The following MAB21L2 variants were observed in gnomAD, a reference collection of about 807,000 sequenced individuals.
MAB21L2 encodes the protein protein mab-21-like 2.
A neutral mutation model predicts 29.8 loss-of-function variants in MAB21L2; 15 were observed. The ratio of observed to expected loss-of-function variants is 0.50; its 90% CI spans 0.34 to 0.78. The LOEUF (loss-of-function observed/expected upper bound fraction) is 0.78. Among genes scored for constraint, MAB21L2 ranks in the 30% least tolerant of loss-of-function variants. The pLI is 0.01. For missense variants in MAB21L2, 321 were observed against 480.1 expected, an observed-to-expected ratio of 0.67 and a Z score of 3.10; for synonymous variants, 218 against 210.4, an observed-to-expected ratio of 1.04 and a Z score of -0.31.
In MAB21L2 at chr4:150,584,122, TG is replaced by T; in HGVS notation, c.*14del. On this transcript the variant is annotated 3_prime_UTR_variant, in exon 1 of 1. Coordinates refer to ENST00000317605, the MANE Select transcript of MAB21L2 (RefSeq NM_006439.5). ...GGACAAACTATAGGGTGCTGGGGAC[TG>T]CTTGAAAAGCGACACAAACGGGCGT... 1.3e-6 allele frequency: 2 copies of T among 1,508,244 alleles called. No individual in the cohort carries two copies. The highest frequency in any genetic ancestry group is 1.8e-6 in the Non-Finnish European group (2 of 1,128,730). 93.4% of individuals were successfully genotyped at this position (1,508,244 alleles called of 1,614,324 possible). A position where few individuals can be genotyped will look rare whatever the true frequency, so the allele number is the denominator to read the frequency against.
chr4:150,583,317 C>G lies in MAB21L2; in HGVS notation c.288C>G (p.Gly96=). 1 of 1,614,216 alleles carries G rather than the reference C, an allele frequency of 6.2e-7. No homozygotes were observed. The change falls in exon 1 of 1, where the codon GGC becomes GGG. Residue 96 remains glycine (G), a synonymous_variant. Coordinates refer to ENST00000317605, the MANE Select transcript of MAB21L2 (RefSeq NM_006439.5). This position sits in a 1 kb window ranked among gnomAD's most constrained non-coding sequence, Gnocchi z 9.8. The part of the protein sequence containing the change: ...FNFVDDGSLP[G]CAVLKLSDGR... ...TCGTGGACGACGGCTCGCTGCCCGG[C>G]TGCGCAGTGCTCAAACTGAGCGATG...
chr4:150,582,975 G>C lies in MAB21L2; in HGVS notation c.-55G>C. The stretch of plus-strand genomic sequence containing the variant: ...GGGCCACCACCAGTGCGTGAGCCTT[G>C]GATCCCTCAACGTATTGCGAGACGC... On this transcript the variant is annotated 5_prime_UTR_variant, in exon 1 of 1. Transcript: ENST00000317605. The C allele has an allele frequency of 6.6e-7, 1 of 1,525,636 alleles. No individual in the cohort carries two copies. Among genetic ancestry groups the C allele is most frequent in the Admixed American group, 2.1e-5 (1 of 47,652 alleles). 94.5% of individuals were successfully genotyped at this position (1,525,636 alleles called of 1,614,324 possible).
rs1561385662 is a variant in MAB21L2, at chr4:150,582,738, CA to C, written c.-291del. The C allele has an allele frequency of 9.0e-6, 3 of 333,150 alleles. No homozygotes were observed. The East Asian group carries it at 1.5e-4, about 16-fold the overall frequency. 20.6% of individuals were successfully genotyped at this position (333,150 alleles called of 1,614,324 possible). A position where few individuals can be genotyped will look rare whatever the true frequency, so the allele number is the denominator to read the frequency against. On this transcript the variant is annotated 5_prime_UTR_variant, in exon 1 of 1. Transcript: ENST00000317605. ...CTTCTCTCGCACACGGTCATCTTTA[CA>C]TATCAAGAGAAAGCAAAAAGGTTCC...
Position 150,584,611 on chromosome 4 carries a change from T to G in MAB21L2, c.*502T>G, listed in dbSNP as rs964185689. On this transcript the variant is annotated 3_prime_UTR_variant, in exon 1 of 1. Coordinates refer to ENST00000317605, the MANE Select transcript of MAB21L2 (RefSeq NM_006439.5). ...CGTTCTCAGTGCCAATGTCAGACTG[T>G]GCTCCTCCCTCTCCTGAACCTCTAC... 5 of 167,312 alleles carry G rather than the reference T, an allele frequency of 3.0e-5. No individual in the cohort carries two copies. Among genetic ancestry groups the G allele is most frequent in the African/African-American group, 1.2e-4 (5 of 41,556 alleles). 10.4% of individuals were successfully genotyped at this position (167,312 alleles called of 1,614,324 possible). A position where few individuals can be genotyped will look rare whatever the true frequency, so the allele number is the denominator to read the frequency against.
chr4:150,583,768 C>G lies in MAB21L2; in HGVS notation c.739C>G (p.Arg247Gly), dbSNP rs1771720768. 6.2e-7 allele frequency: 1 copy of G among 1,613,994 alleles called. No homozygotes were observed. The highest frequency in any genetic ancestry group is 8.5e-7 in the Non-Finnish European group (1 of 1,179,974). ...AENRLLMGGC[R>G]NKCLSVLKTL... The stretch of plus-strand genomic sequence containing the variant: ...GAACCGCCTGCTGATGGGCGGCTGC[C>G]GAAACAAGTGCCTCTCAGTGCTGAA... Residue 247 changes from arginine to glycine, a missense_variant, in exon 1 of 1, where the codon CGA becomes GGA. Arg to Gly is a moderately radical substitution (Grantham distance 125). Transcript: ENST00000317605. This position sits in a 1 kb window ranked among gnomAD's most constrained non-coding sequence, Gnocchi z 9.8.
chr4:150,582,573 C>T lies in MAB21L2; in HGVS notation c.-457C>T, dbSNP rs1771516945. On this transcript the variant is annotated 5_prime_UTR_variant, in exon 1 of 1. Transcript: ENST00000317605. ...TAAGAATGAACCACTGAATGTTTCG[C>T]TTTTATTTTTAAATTTACTTTGGCA... 1.2e-5 allele frequency: 2 copies of T among 162,798 alleles called. No individual in the cohort carries two copies. The highest frequency in any genetic ancestry group is 4.8e-5 in the African/African-American group (2 of 41,552). 10.1% of individuals were successfully genotyped at this position (162,798 alleles called of 1,614,324 possible). A position where few individuals can be genotyped will look rare whatever the true frequency, so the allele number is the denominator to read the frequency against.
chr4:150,584,171 G>A lies in MAB21L2; in HGVS notation c.*62G>A. ...CGTGCTCTCTCAGACACACAACTCT[G>A]CTATAAACAGCAGAAACTCTGGACA... On this transcript the variant is annotated 3_prime_UTR_variant, in exon 1 of 1. Transcript: ENST00000317605. 2 of 1,445,696 alleles carry A rather than the reference G, an allele frequency of 1.4e-6. No homozygotes were observed. Among genetic ancestry groups the A allele is most frequent in the Middle Eastern group, 1.9e-4 (1 of 5,382 alleles). 89.6% of individuals were successfully genotyped at this position (1,445,696 alleles called of 1,614,324 possible).
Position 150,583,998 on chromosome 4 carries a change from C to T in MAB21L2, c.969C>T (p.Asn323=), listed in dbSNP as rs1211252352. 6 of 1,614,056 alleles carry T rather than the reference C, an allele frequency of 3.7e-6. No homozygotes were observed. Among genetic ancestry groups the T allele is most frequent in the Non-Finnish European group, 4.2e-6 (5 of 1,180,028 alleles). Residue 323 remains asparagine (N), a synonymous_variant, in exon 1 of 1, where the codon AAC becomes AAT. Transcript: ENST00000317605. The surrounding 1 kb of genome is among the most constrained non-coding windows in gnomAD (Gnocchi z 9.8). ...GCTGCCCTCACTACTTTCTGCCCAA[C>T]CTCGACCTCTTTCAGGGCAAGCCCC... The part of the protein sequence containing the change: ...CRRCPHYFLP[N]LDLFQGKPHS...
Position 150,583,344 on chromosome 4 carries a change from G to A in MAB21L2, c.315G>A (p.Gly105=), listed in dbSNP as rs748556362. 20 of 1,614,084 alleles carry A rather than the reference G, an allele frequency of 1.2e-5. No individual in the cohort carries two copies. Among genetic ancestry groups the A allele is most frequent in the Non-Finnish European group, 1.7e-5 (20 of 1,180,052 alleles). The change falls in exon 1 of 1, where the codon GGG becomes GGA. Residue 105 remains glycine, a synonymous_variant. Coordinates refer to ENST00000317605, the MANE Select transcript of MAB21L2 (RefSeq NM_006439.5). The surrounding 1 kb of genome is among the most constrained non-coding windows in gnomAD (Gnocchi z 9.8). ...PGCAVLKLSD[G]RKRSMSLWVE... ...GCGCAGTGCTCAAACTGAGCGATGG[G>A]CGGAAGCGGAGCATGTCTCTCTGGG...
In MAB21L2 at chr4:150,583,697, G is replaced by A. The variant is rs1771704412; in HGVS notation, c.668G>A (p.Ser223Asn). Residue 223 changes from serine to asparagine, a missense_variant, in exon 1 of 1, where the codon AGC becomes AAC. Physicochemically the swap from Ser to Asn is conservative, Grantham distance 46 (BLOSUM62 1). Transcript: ENST00000317605. This position sits in a 1 kb window ranked among gnomAD's most constrained non-coding sequence, Gnocchi z 9.8. ...TGCTACTCGCTGACCGGCAAGCAGA[G>A]CTCGGCAGAGAGCGACGCCTGGGTG... ...KECYSLTGKQ[S>N]SAESDAWVLQ... The A allele has an allele frequency of 6.2e-7, 1 of 1,613,552 alleles. No individual in the cohort carries two copies. The highest frequency in any genetic ancestry group is 1.7e-5 in the Admixed American group (1 of 59,956).
chr4:150,583,824 C>G lies in MAB21L2; in HGVS notation c.795C>G (p.Pro265=), dbSNP rs748345446. Residue 265 remains proline, a synonymous_variant, in exon 1 of 1, where the codon CCC becomes CCG. Transcript: ENST00000317605. The surrounding 1 kb of genome is among the most constrained non-coding windows in gnomAD (Gnocchi z 9.8). ...KTLRDRHLEL[P]GQPLNNYHMK... is the part of the protein sequence containing the mutation. ...TGCGGGACCGCCACCTGGAGCTACC[C>G]GGCCAGCCGCTCAACAACTACCACA... is the stretch of plus-strand genomic sequence containing the variant. 2 of 1,614,202 alleles carry G rather than the reference C, an allele frequency of 1.2e-6. No individual in the cohort carries two copies.
rs1222905264 is a variant in MAB21L2 at position 150,583,284 on chromosome 4, C to A, written c.255C>A (p.Val85=). Residue 85 remains valine (V), a synonymous_variant, in exon 1 of 1, where the codon GTC becomes GTA. Coordinates refer to ENST00000317605, the MANE Select transcript of MAB21L2 (RefSeq NM_006439.5). This position sits in a 1 kb window ranked among gnomAD's most constrained non-coding sequence, Gnocchi z 9.8. ...TGCTCTACCTAAACCAGATGGGCGT[C>A]TTCAACTTCGTGGACGACGGCTCGC... The part of the protein sequence containing the change: ...EVVLYLNQMG[V]FNFVDDGSLP... 2 of 1,614,238 alleles carry A rather than the reference C, an allele frequency of 1.2e-6. No individual in the cohort carries two copies. Among genetic ancestry groups the A allele is most frequent in the South Asian group, 1.1e-5 (1 of 91,088 alleles).
chr4:150,583,152 G>A lies in MAB21L2; in HGVS notation c.123G>A (p.Val41=), dbSNP rs770336078. The stretch of plus-strand genomic sequence containing the variant: ...AGGTCTGTAAGGTGGTCTCGGACGT[G>A]CTCAAGGAAGTGGAGGTGCAGGAGC... ...IREVCKVVSD[V]LKEVEVQEPR... is the part of the protein sequence containing the mutation. Residue 41 remains valine, a synonymous_variant, in exon 1 of 1, where the codon GTG becomes GTA. Transcript: ENST00000317605. This position sits in a 1 kb window ranked among gnomAD's most constrained non-coding sequence, Gnocchi z 9.8. The A allele has an allele frequency of 1.9e-6, 3 of 1,614,078 alleles. No individual in the cohort carries two copies. In the African/African-American group the frequency reaches 4.0e-5, roughly 22 times the overall value.
rs760139505 is a variant in MAB21L2 at position 150,584,103 on chromosome 4, A to C, written c.1074A>C (p.Lys358Asn). 1.3e-6 allele frequency: 2 copies of C among 1,538,522 alleles called. No individual in the cohort carries two copies. The highest frequency in any genetic ancestry group is 1.7e-6 in the Non-Finnish European group (2 of 1,143,262). ...EILTNPKSLD[K>N]L is the part of the protein sequence containing the mutation. Reference sequence around the variant, plus strand: ...TCACCAATCCCAAAAGCCTGGACAAACTATAGGGTGCTGGGGACTGCTTGA... The same window carrying C: ...TCACCAATCCCAAAAGCCTGGACAACCTATAGGGTGCTGGGGACTGCTTGA... Residue 358 changes from lysine (K) to asparagine (N), a missense_variant, in exon 1 of 1, where the codon AAA becomes AAC. By Grantham distance (94) the Lys-to-Asn change is moderately conservative (BLOSUM62 0). Transcript: ENST00000317605.
rs1771514654 is a variant in MAB21L2, at chr4:150,582,545, G to GT, written c.-482dup. 6.2e-6 allele frequency: 1 copy of GT among 161,422 alleles called. No individual in the cohort carries two copies. Among genetic ancestry groups the GT allele is most frequent in the African/African-American group, 2.4e-5 (1 of 41,484 alleles). 10.0% of individuals were successfully genotyped at this position (161,422 alleles called of 1,614,324 possible). A position where few individuals can be genotyped will look rare whatever the true frequency, so the allele number is the denominator to read the frequency against. ...GAAGTCCTATCAGCGTGGAAGAGAA[G>GT]TTTAAGAATGAACCACTGAATGTTT... On this transcript the variant is annotated 5_prime_UTR_variant, in exon 1 of 1. Transcript: ENST00000317605.
chr4:150,584,535 TTAAC>T lies in MAB21L2; in HGVS notation c.*429_*432del, dbSNP rs1436335907. 6.0e-6 allele frequency: 1 copy of T among 165,576 alleles called. No individual in the cohort carries two copies. The highest frequency in any genetic ancestry group is 6.6e-5 in the Admixed American group (1 of 15,106). The allele number at this position is 165,576 out of a possible 1,614,324, so 10.3% of individuals were successfully genotyped here. On this transcript the variant is annotated 3_prime_UTR_variant, in exon 1 of 1. Transcript: ENST00000317605. The stretch of plus-strand genomic sequence containing the variant: ...TGTTGTCACCAAGTGAAAAAATTAT[TTAAC>T]TATATGTAAAATTTCTCTTTTAAAA...
Position 150,583,552 on chromosome 4 carries a change from A to C in MAB21L2, c.523A>C (p.Lys175Gln). The C allele has an allele frequency of 1.2e-6, 2 of 1,613,882 alleles. No homozygotes were observed. Among genetic ancestry groups the C allele is most frequent in the Non-Finnish European group, 1.7e-6 (2 of 1,179,916 alleles). Residue 175 changes from lysine (K) to glutamine (Q), a missense_variant, in exon 1 of 1, where the codon AAG (lysine) becomes CAG (glutamine). Transcript: ENST00000317605. The surrounding 1 kb of genome is among the most constrained non-coding windows in gnomAD (Gnocchi z 9.8). ...RYVVQITPAF[K>Q]CTGIWPRSAA... ...TGTGGTGCAAATCACTCCGGCGTTC[A>C]AGTGCACCGGGATCTGGCCTCGCAG...
rs1554059650 is a variant in MAB21L2 at position 150,582,742 on chromosome 4, T to C, written c.-288T>C. 2.8e-6 allele frequency: 1 copy of C among 353,048 alleles called. No homozygotes were observed. The highest frequency in any genetic ancestry group is 2.1e-5 in the African/African-American group (1 of 48,474). 21.9% of individuals were successfully genotyped at this position (353,048 alleles called of 1,614,324 possible). A position where few individuals can be genotyped will look rare whatever the true frequency, so the allele number is the denominator to read the frequency against. On this transcript the variant is annotated 5_prime_UTR_variant, in exon 1 of 1. Transcript: ENST00000317605. ...TCTCGCACACGGTCATCTTTACATA[T>C]CAAGAGAAAGCAAAAAGGTTCCAAG... is the stretch of plus-strand genomic sequence containing the variant.
chr4:150,584,105 T>G lies in MAB21L2; in HGVS notation c.1076T>G (p.Leu359Arg). The change falls in exon 1 of 1, where the codon CTA (leucine) becomes CGA (arginine). Residue 359 changes from leucine to arginine, a missense_variant. Transcript: ENST00000317605. Reference sequence around the variant, plus strand: ...ACCAATCCCAAAAGCCTGGACAAACTATAGGGTGCTGGGGACTGCTTGAAA... The same window carrying G: ...ACCAATCCCAAAAGCCTGGACAAACGATAGGGTGCTGGGGACTGCTTGAAA... ...ILTNPKSLDK[L>R] The G allele has an allele frequency of 6.5e-7, 1 of 1,537,864 alleles. No individual in the cohort carries two copies. Among genetic ancestry groups the G allele is most frequent in the Non-Finnish European group, 8.8e-7 (1 of 1,142,790 alleles).
Sources: gnomAD v4.1 joint callset for allele counts on GRCh38, gnomAD v4.1.1 for gene constraint, Gnocchi (gnomAD v3.1) non-coding constraint, MANE v1.5 for transcripts, NCBI Gene and HGNC (gene_info 2026-07-23, HGNC 2026-07-21) for gene names.